Variants in KIF5C observed in about 807,000 individuals in gnomAD.
KIF5C encodes the protein kinesin heavy chain isoform 5C.
Under a neutral mutation model 125.2 loss-of-function variants are expected in KIF5C, and 18 were observed. That is an observed-to-expected ratio of 0.14 (90% confidence interval 0.10 to 0.21). KIF5C has a LOEUF of 0.21. Among genes scored for constraint, KIF5C ranks in the 10% least tolerant of loss-of-function variants. The pLI, the probability that KIF5C is intolerant of heterozygous loss-of-function variation, is 1.00. For missense variants in KIF5C, 780 were observed against 1,183.8 expected, an observed-to-expected ratio of 0.66 and a Z score of 5.01; for synonymous variants, 405 against 434.0, an observed-to-expected ratio of 0.93 and a Z score of 0.83.
At chr2:148,907,721 G>T (rs1389543780) in intron 1 of KIF5C, among the ~76,000 whole-genome samples, 3 of 152,272 alleles carry the variant, frequency 2.0e-5, no homozygotes, top group Non-Finnish European at 4.4e-5. Flanking sequence ...GCTGACTGAT[G>T]TGGAGCCAGC....
intron 1 of KIF5C, chr2:148,888,251 C>A (rs577237950): frequency 3.9e-5 from 6 of 152,354 alleles, no homozygotes; most frequent in African/African-American, 1.2e-4. Context: ...AATTTCCAGG[C>A]GAGGAGCGAC....
chr2:148,981,457 C>T lies in KIF5C; in HGVS notation c.1465C>T (p.Gln489Ter), dbSNP rs758958743. 1 of 1,608,906 alleles carries T rather than the reference C, an allele frequency of 6.2e-7. No individual in the cohort carries two copies. The highest frequency in any genetic ancestry group is 8.5e-7 in the Non-Finnish European group (1 of 1,177,780). Residue 489 changes from glutamine (Q) to a stop codon, truncating the protein, a stop_gained, in exon 14 of 26, where the codon CAG becomes TAG. Transcript: ENST00000435030. LOFTEE classifies it high-confidence loss of function. Reference sequence around the variant, plus strand: ...CAAGGATGAGGTGAAAGAAGTTCTCCAGGCCCTGGAGGAGCTGGCTGTCAA... The same window carrying T: ...CAAGGATGAGGTGAAAGAAGTTCTCTAGGCCCTGGAGGAGCTGGCTGTCAA... ...AAKDEVKEVL[Q>*]ALEELAVNYD...
chr2:148,893,873 T>G (rs73007580), intron 1 of KIF5C, among the ~76,000 whole-genome samples: 1,873 of 152,364 alleles, frequency 0.012, 44 homozygotes, highest in African/African-American at 0.043. Context: ...TGCCTACATA[T>G]TGCTTTTGTG....
At chr2:148,921,310 G>A (rs1027572867) in intron 1 of KIF5C, among the ~76,000 whole-genome samples, 6 of 152,158 alleles carry the variant, frequency 3.9e-5, no homozygotes, top group African/African-American at 1.4e-4. Flanking sequence ...CTACAGAAGG[G>A]CTCTCTTTGT....
chr2:148,949,084 T>A (rs912655388), intron 8 of KIF5C, among the ~76,000 whole-genome samples: 1 of 152,198 alleles, frequency 6.6e-6, no homozygotes, highest in Non-Finnish European at 1.5e-5. Context: ...GCATCGTTTG[T>A]CCAGTCAGCA....
In KIF5C at chr2:149,025,200, C is replaced by T. The variant is rs1682654399; in HGVS notation, c.*2130C>T. ...CTTGTAGTTCCATTTTACTTGATCTCTACAAGGGACTGACAACATTTGCTT... is the reference window on the plus strand; with the variant it reads ...CTTGTAGTTCCATTTTACTTGATCTTTACAAGGGACTGACAACATTTGCTT... On this transcript the variant is annotated 3_prime_UTR_variant, in exon 26 of 26. Transcript: ENST00000435030. 6.6e-6 allele frequency: 1 copy of T among 152,610 alleles called. No homozygotes were observed. Among genetic ancestry groups the T allele is most frequent in the African/African-American group, 2.4e-5 (1 of 41,444 alleles). 9.5% of individuals were successfully genotyped at this position (152,610 alleles called of 1,614,324 possible).
chr2:148,957,529 C>G (rs1682820529), intron 10 of KIF5C, among the ~76,000 whole-genome samples: 2 of 150,002 alleles, frequency 1.3e-5, no homozygotes, highest in Admixed American at 1.3e-4. Context: ...GAGACTGAGA[C>G]CCTCTTTATT....
chr2:149,020,372 C>T (rs1574843476), intron 25 of KIF5C: 1 of 152,204 alleles, frequency 6.6e-6, no homozygotes, highest in East Asian at 1.9e-4. Context: ...TCCTTTCTCA[C>T]TCTCCTTGAG....
intron 15 of KIF5C, among the ~76,000 whole-genome samples, chr2:148,989,748 C>T (rs182571235): frequency 6.6e-6 from 1 of 152,178 alleles, no homozygotes; most frequent in Non-Finnish European, 1.5e-5. Flanking sequence ...TGATGTTGAG[C>T]CTTTTCTATA....
At chr2:149,012,037 A>G (rs1399094470) in intron 25 of KIF5C, among the ~76,000 whole-genome samples, 2 of 152,256 alleles carry the variant, frequency 1.3e-5, no homozygotes, top group African/African-American at 4.8e-5. Context: ...CTTTACCCAC[A>G]GCAGACAGAA....
At chr2:149,017,666 T>G (rs911766261) in intron 25 of KIF5C, among the ~76,000 whole-genome samples, 2 of 152,234 alleles carry the variant, frequency 1.3e-5, no homozygotes, top group African/African-American at 4.8e-5. Flanking sequence ...TTTCCTATAT[T>G]TAGACCATTT....
intron 15 of KIF5C, among the ~76,000 whole-genome samples, chr2:148,987,305 T>G (rs1371511402): frequency 6.6e-6 from 1 of 152,156 alleles, no homozygotes; most frequent in Non-Finnish European, 1.5e-5. Flanking sequence ...AAATGTATTA[T>G]AATTAGGCCC....
chr2:148,983,009 G>A (rs1011196251), intron 14 of KIF5C, among the ~76,000 whole-genome samples: 1 of 152,340 alleles, frequency 6.6e-6, no homozygotes, highest in East Asian at 1.9e-4. Flanking sequence ...AGAAAATAGA[G>A]CTTCTGCTAT....
chr2:149,017,198 G>A (rs1682388402), intron 25 of KIF5C, among the ~76,000 whole-genome samples: 1 of 152,154 alleles, frequency 6.6e-6, no homozygotes, highest in South Asian at 2.1e-4. Flanking sequence ...TTGTAAGATG[G>A]GAGATATTAC....
intron 10 of KIF5C, among the ~76,000 whole-genome samples, chr2:148,955,971 A>G (rs1296340611): frequency 1.3e-5 from 2 of 152,256 alleles, no homozygotes; most frequent in East Asian, 3.8e-4. Flanking sequence ...ATTCCAGGGA[A>G]GCCAAAGTAA....
At chr2:148,957,592 T>TGAA (rs1285261249) in intron 10 of KIF5C, among the ~76,000 whole-genome samples, 4 of 71,824 alleles carry the variant, frequency 5.6e-5, no homozygotes, top group African/African-American at 1.7e-4. Flanking sequence ...TTTGTTCTAG[T>TGAA]AAAAAAAAAA....
intron 1 of KIF5C, among the ~76,000 whole-genome samples, chr2:148,905,326 G>C (rs560697960): frequency 6.6e-6 from 1 of 152,218 alleles, no homozygotes; most frequent in East Asian, 1.9e-4. Context: ...TGCTAGGGAA[G>C]GCCAATATTT....
In KIF5C at chr2:148,973,523, G is replaced by A. The variant is rs765084056; in HGVS notation, c.1293+12G>A. ...AACTGGATGACAAGGTCTGTGGCCA[G>A]AGATTCATAGTTCTCATTCTGCTAC... On this transcript the variant is annotated intron_variant, in intron 12 of 25. Coordinates refer to ENST00000435030, the MANE Select transcript of KIF5C (RefSeq NM_004522.3). The A allele has an allele frequency of 1.4e-5, 23 of 1,596,360 alleles. No individual in the cohort carries two copies. Among genetic ancestry groups the A allele is most frequent in the Non-Finnish European group, 2.0e-5 (23 of 1,172,288 alleles).
chr2:148,957,802 A>T (rs1003380549), intron 10 of KIF5C, among the ~76,000 whole-genome samples: 2 of 151,922 alleles, frequency 1.3e-5, no homozygotes, highest in Non-Finnish European at 2.9e-5. Flanking sequence ...TTTTTTTATA[A>T]ATATATATAC....
Sources: gnomAD v4.1 joint callset for allele counts (sites outside exome capture counted in the v4.1 genomes callset) on GRCh38, gnomAD v4.1.1 for gene constraint, MANE v1.5 for transcripts, NCBI Gene and HGNC (gene_info 2026-07-23, HGNC 2026-07-21) for gene names.